The following GNAS variants were observed in gnomAD, a reference collection of about 807,000 sequenced individuals.
GNAS encodes the protein GNAS complex locus.
In GNAS, 8 loss-of-function variants were observed where a neutral mutation model predicts 54.5. The observed-to-expected ratio is 0.15, with a 90% CI of 0.09 to 0.26. The LOEUF is 0.26. GNAS is among the 10% of genes least tolerant of loss of function. The pLI, the probability that GNAS is intolerant of heterozygous loss-of-function variation, is 1.00. For synonymous variants in GNAS, 204 were observed against 191.4 expected (o/e 1.07, Z -0.54); for missense variants, 170 against 529.8 (o/e 0.32, Z 6.67).
At chr20:58,850,393 G>T (rs1179903470) in intron 1 of GNAS, 1 of 397,148 alleles carries the variant, frequency 2.5e-6, no homozygotes, top group Non-Finnish European at 4.4e-6. Flanking sequence ...ACCCATGAGG[G>T]TGTCGAACAG....
chr20:58,860,757 T>A (rs2086740603), intron 1 of GNAS, among the ~76,000 whole-genome samples: 1 of 152,130 alleles, frequency 6.6e-6, no homozygotes, highest in South Asian at 2.1e-4. Context: ...TGCCTCCCAG[T>A]TCAAGGGATT....
intron 6 of GNAS, among the ~76,000 whole-genome samples, chr20:58,908,739 T>C (rs949728787): frequency 3.9e-4 from 59 of 152,158 alleles, no homozygotes; most frequent in African/African-American, 1.4e-3. Flanking sequence ...CTGGTTGATA[T>C]GCATAAAACC....
At position 58,910,112 on chromosome 20, in the gene GNAS, T is replaced by C. The variant is rs969649898; in HGVS notation, c.970+31T>C. ...TATGGCTTCCACTCTTGCTGGCTGT[T>C]CATTGCGGTGGTTCTTTTTCAAACG... On this transcript the variant is annotated intron_variant, in intron 11 of 12. Transcript: ENST00000371085. The surrounding 1 kb of genome is among the most constrained non-coding windows in gnomAD (Gnocchi z 5.8). 1.2e-6 allele frequency: 2 copies of C among 1,610,594 alleles called. No homozygotes were observed. Among genetic ancestry groups the C allele is most frequent in the Non-Finnish European group, 1.7e-6 (2 of 1,176,966 alleles).
intron 1 of GNAS, chr20:58,867,569 G>C (rs1235086572): frequency 6.6e-6 from 1 of 152,256 alleles, no homozygotes; most frequent in Admixed American, 6.5e-5. Context: ...TCTTTGGGAG[G>C]GTCCTAGAAT....
intron 1 of GNAS, chr20:58,855,362 G>A: frequency 6.5e-7 from 1 of 1,549,674 alleles, no homozygotes; most frequent in Non-Finnish European, 8.7e-7. Flanking sequence ...CCTGCGGGCA[G>A]CAGGGCCGCC....
intron 1 of GNAS, among the ~76,000 whole-genome samples, chr20:58,883,329 G>T (rs1038020453): frequency 9.2e-5 from 14 of 152,282 alleles, no homozygotes; most frequent in African/African-American, 2.9e-4. Context: ...CACAAAAGGA[G>T]CCGTAATCTG....
intron 1 of GNAS, chr20:58,882,984 TAA>T (rs764053045): frequency 6.6e-6 from 1 of 152,150 alleles, no homozygotes; most frequent in Non-Finnish European, 1.5e-5. Flanking sequence ...CACGGTAGCT[TAA>T]ATTAGCCCAT....
chr20:58,870,238 C>A (rs117332862), intron 1 of GNAS, among the ~76,000 whole-genome samples: 1 of 152,296 alleles, frequency 6.6e-6, no homozygotes, highest in Non-Finnish European at 1.5e-5. Context: ...AAAAAATTTT[C>A]TTTTACTTGA....
At position 58,892,113 on chromosome 20, in the gene GNAS, C is replaced by T. The variant is rs1165629861; in HGVS notation, c.139+248C>T. The T allele has an allele frequency of 1.3e-4, 124 of 968,242 alleles. 1 individual carries two copies. In the Admixed American group the frequency reaches 6.0e-3, roughly 47 times the overall value. The allele number at this position is 968,242 out of a possible 1,614,324, so 60.0% of individuals were successfully genotyped here. A position where few individuals can be genotyped will look rare whatever the true frequency, so the allele number is the denominator to read the frequency against. On this transcript the variant is annotated intron_variant, in intron 1 of 12. Transcript: ENST00000371085. ...GCGCGGGTCCCCCTCCCCCGGCCTG[C>T]CCGCTCAGTGTCTCTCTCTTGCTCT...
At chr20:58,840,659 C>A, upstream of GNAS, 2 of 1,605,248 alleles carry the variant, frequency 1.2e-6, no homozygotes, top group Middle Eastern at 1.7e-4. The surrounding 1 kb of genome is among the most constrained non-coding windows in gnomAD (Gnocchi z 6.0). Context: ...CACTCAGGAG[C>A]CCCAGAGCCC....
rs777741604 is a variant in GNAS, at chr20:58,891,682, GCCGCCGCCGCAGCCCGGCCGCGCC to G, written c.-34_-11del. On this transcript the variant is annotated 5_prime_UTR_variant, in exon 1 of 13. Coordinates refer to ENST00000371085, the MANE Select transcript of GNAS (RefSeq NM_000516.7). ...GGCCCGCGTGAGGCCGCCCGCGCCC[GCCGCCGCCGCAGCCCGGCCGCGCC>G]CCGCCGCCGCCGCCGCCGCCATGGG... 17 of 962,514 alleles carry G rather than the reference GCCGCCGCCGCAGCCCGGCCGCGCC, an allele frequency of 1.8e-5. No homozygotes were observed. The highest frequency in any genetic ancestry group is 2.7e-4 in the East Asian group (2 of 7,478). 59.6% of individuals were successfully genotyped at this position (962,514 alleles called of 1,614,324 possible).
chr20:58,897,377 T>G (rs768866927), intron 2 of GNAS: 1 of 152,230 alleles, frequency 6.6e-6, no homozygotes, highest in East Asian at 1.9e-4. Context: ...GCAGGAGTAC[T>G]TACTTATTCA....
intron 1 of GNAS, chr20:58,854,415 G>C (rs556287876): frequency 4.5e-6 from 7 of 1,568,548 alleles, no homozygotes; most frequent in East Asian, 2.4e-5. Context: ...CCCTGCCGCC[G>C]GGGCAGCCTC....
At chr20:58,866,631 T>C (rs551615118) in intron 1 of GNAS, among the ~76,000 whole-genome samples, 2 of 152,328 alleles carry the variant, frequency 1.3e-5, no homozygotes, top group Non-Finnish European at 2.9e-5. Context: ...CACATTTACA[T>C]TTTTGCCCCC....
intron 6 of GNAS, among the ~76,000 whole-genome samples, chr20:58,907,940 G>A (rs1175864990): frequency 6.6e-6 from 1 of 152,238 alleles, no homozygotes; most frequent in Non-Finnish European, 1.5e-5. Flanking sequence ...TCTCTCACAA[G>A]ATTTGGTGCT....
At chr20:58,889,015 T>A, upstream of GNAS, 2 of 961,514 alleles carry the variant, frequency 2.1e-6, no homozygotes, top group Non-Finnish European at 2.5e-6. Flanking sequence ...GGCACCGGCC[T>A]GCACCCCCAG....
intron 1 of GNAS, among the ~76,000 whole-genome samples, chr20:58,874,722 GCTGGCCTGCCTTCCATCTTAGTTC>G (rs1193237689): frequency 6.9e-6 from 1 of 144,112 alleles, no homozygotes; most frequent in Non-Finnish European, 1.5e-5. Context: ...TATCTTTGCT[GCTGGCCTGCCTTCCATCTTAGTTC>G]CTGGCCTGCC....
chr20:58,846,471 T>C (rs1275707784), intron 1 of GNAS, among the ~76,000 whole-genome samples: 1 of 152,202 alleles, frequency 6.6e-6, no homozygotes, highest in African/African-American at 2.4e-5. Flanking sequence ...TCCAATTTCA[T>C]AGGTGTGGAG....
Position 58,903,858 on chromosome 20 carries a change from A to C in GNAS, c.432+67A>C, listed in dbSNP as rs1251645391. 3.2e-6 allele frequency: 5 copies of C among 1,557,966 alleles called. No homozygotes were observed. In the African/African-American group the frequency reaches 6.8e-5, roughly 21 times the overall value. On this transcript the variant is annotated intron_variant, in intron 5 of 12. Transcript: ENST00000371085. ...CTGAGCACAGTGTCCATATAGGAAC[A>C]TGAGTGACAGCCCTGCACATGGGCA...
Sources: gnomAD v4.1 joint callset for allele counts (sites outside exome capture counted in the v4.1 genomes callset) on GRCh38, gnomAD v4.1.1 for gene constraint, Gnocchi (gnomAD v3.1) non-coding constraint, MANE v1.5 for transcripts, NCBI Gene and HGNC (gene_info 2026-07-23, HGNC 2026-07-21) for gene names.